SSBP3: variants seen among roughly 807,000 people sequenced by gnomAD.
SSBP3 encodes single-stranded DNA-binding protein 3.
SSBP3 carries 5 observed loss-of-function variants against 69.6 expected under a neutral mutation model. That is an observed-to-expected ratio of 0.07 (90% CI 0.04 to 0.15). The LOEUF (loss-of-function observed/expected upper bound fraction) is 0.15. Ranked by LOEUF, SSBP3 falls within the 10% of genes least tolerant of loss-of-function variation. The pLI, the probability that SSBP3 is intolerant of heterozygous loss-of-function variation, is 1.00. For missense variants in SSBP3, 312 were observed against 534.0 expected (o/e 0.58, Z 4.10); for synonymous variants, 196 against 193.4 (o/e 1.01, Z -0.11).
At chr1:54,311,129 G>C (rs923488055) in intron 4 of SSBP3, among the ~76,000 whole-genome samples, 4 of 152,186 alleles carry the variant, frequency 2.6e-5, no homozygotes, top group Non-Finnish European at 4.4e-5. Flanking sequence ...AAAACAAGGT[G>C]GGGGACACAT....
At chr1:54,227,069 A>G in exon 18 of SSBP3, 1 of 1,418,320 alleles carries the variant, frequency 7.1e-7, no homozygotes, top group Non-Finnish European at 9.9e-7. Flanking sequence ...CACTTCTTGC[A>G]TAATTTCTGG....
chr1:54,280,108 C>T (rs1288117739), intron 5 of SSBP3, among the ~76,000 whole-genome samples: 1 of 152,220 alleles, frequency 6.6e-6, no homozygotes, highest in African/African-American at 2.4e-5. Flanking sequence ...CTCCCACCAC[C>T]ATCATGTGAC....
intron 4 of SSBP3, among the ~76,000 whole-genome samples, chr1:54,366,975 C>G (rs987937144): frequency 6.6e-6 from 1 of 152,160 alleles, no homozygotes; most frequent in African/African-American, 2.4e-5. Context: ...CCTCTCAGAG[C>G]CTCCGAATCC....
chr1:54,261,573 G>C (rs1437605152), intron 5 of SSBP3, among the ~76,000 whole-genome samples: 4 of 152,172 alleles, frequency 2.6e-5, no homozygotes, highest in Non-Finnish European at 5.9e-5. Flanking sequence ...CAAAGCTGAT[G>C]ATACTGATGT....
At chr1:54,242,298 C>A in intron 10 of SSBP3, 86 bp from the exon 11 acceptor site, 1 of 1,510,514 alleles carries the variant, frequency 6.6e-7, no homozygotes, top group Non-Finnish European at 9.2e-7. Flanking sequence ...AAGGAAAGGG[C>A]TGAAATCACA....
At chr1:54,380,502 A>G (rs970546152) in intron 4 of SSBP3, among the ~76,000 whole-genome samples, 4 of 152,220 alleles carry the variant, frequency 2.6e-5, no homozygotes, top group African/African-American at 9.6e-5. Flanking sequence ...AAACATTTTC[A>G]AAAAGAAAAC....
chr1:54,275,293 A>G (rs943521300), intron 5 of SSBP3, among the ~76,000 whole-genome samples: 5 of 152,206 alleles, frequency 3.3e-5, no homozygotes, highest in African/African-American at 7.2e-5. Context: ...TGGGGACCCC[A>G]GCGCCCCGCC....
At position 54,324,935 on chromosome 1, in the gene SSBP3, G is replaced by T. The variant is rs555033768; in HGVS notation, c.277-43408C>A. Reference sequence around the variant, plus strand: ...TGAGCCCCAAATGTGAAGACAATGGGAGGGAGCCAGGCAGAAAGCCGCTCT... The same window carrying T: ...TGAGCCCCAAATGTGAAGACAATGGTAGGGAGCCAGGCAGAAAGCCGCTCT... On this transcript the variant is annotated intron_variant, in intron 4 of 17. Transcript: ENST00000610401. 2.0e-5 allele frequency among the ~76,000 whole-genome samples: 3 copies of T among 152,290 alleles called. No individual in the cohort carries two copies. The East Asian group carries it at 5.8e-4, about 29-fold the overall frequency.
chr1:54,307,733 G>A (rs1022438606), intron 4 of SSBP3, among the ~76,000 whole-genome samples: 1 of 152,172 alleles, frequency 6.6e-6, no homozygotes, highest in African/African-American at 2.4e-5. Context: ...CGACAAGAGT[G>A]ACCTCTGGTC....
chr1:54,376,645 C>T (rs1314852562), intron 4 of SSBP3, among the ~76,000 whole-genome samples: 2 of 152,222 alleles, frequency 1.3e-5, no homozygotes, highest in African/African-American at 2.4e-5. Context: ...CCCTCCTTTT[C>T]TTCTTCATGA....
chr1:54,316,873 C>A (rs1392160393), intron 4 of SSBP3, among the ~76,000 whole-genome samples: 2 of 152,130 alleles, frequency 1.3e-5, no homozygotes, highest in Non-Finnish European at 2.9e-5. Context: ...CTGGTGAGGG[C>A]TTGAGCTCTG....
chr1:54,409,261 C>T (rs1185472474), upstream of SSBP3, among the ~76,000 whole-genome samples: 1 of 152,100 alleles, frequency 6.6e-6, no homozygotes, highest in Non-Finnish European at 1.5e-5. Context: ...ATCTCCTCCA[C>T]AAAAACCTCC....
chr1:54,263,944 T>C (rs563330139), intron 5 of SSBP3, among the ~76,000 whole-genome samples: 24 of 152,358 alleles, frequency 1.6e-4, no homozygotes, highest in Admixed American at 7.8e-4. Context: ...TAAAGATTCT[T>C]GGAGCTGGAT....
At chr1:54,404,985 G>A in intron 1 of SSBP3, 55 bp from the exon 2 acceptor site, 1 of 1,501,916 alleles carries the variant, frequency 6.7e-7, no homozygotes, top group South Asian at 1.1e-5. Flanking sequence ...GATCCCACCG[G>A]CGCTCTCCAG....
chr1:54,357,572 A>G (rs910663012), intron 4 of SSBP3, among the ~76,000 whole-genome samples: 2 of 152,096 alleles, frequency 1.3e-5, no homozygotes, highest in Non-Finnish European at 2.9e-5. Flanking sequence ...TCCACAGGGG[A>G]CCCATGGGGT....
intron 4 of SSBP3, among the ~76,000 whole-genome samples, chr1:54,383,002 G>A (rs1472769100): frequency 2.3e-4 from 24 of 106,054 alleles, no homozygotes; most frequent in South Asian, 2.8e-4. Flanking sequence ...AAAAAAAAAA[G>A]AAGAGAGAGA....
At chr1:54,233,113 G>A (rs538387802) in intron 14 of SSBP3, among the ~76,000 whole-genome samples, 1,920 of 150,874 alleles carry the variant, frequency 0.013, 37 homozygotes, top group African/African-American at 0.045. Context: ...CCGCCCGGCC[G>A]CCATCCCATC....
At chr1:54,271,048 G>C (rs918655658) in intron 5 of SSBP3, among the ~76,000 whole-genome samples, 2 of 152,286 alleles carry the variant, frequency 1.3e-5, no homozygotes, top group Middle Eastern at 3.4e-3. Context: ...TGGTCAACAC[G>C]GATCCTGAAG....
chr1:54,239,504 G>A (rs1333111012), intron 13 of SSBP3, among the ~76,000 whole-genome samples: 1 of 152,122 alleles, frequency 6.6e-6, no homozygotes, highest in African/African-American at 2.4e-5. Flanking sequence ...CAACATGGGG[G>A]CAGCAGAACC....
Sources: gnomAD v4.1 joint callset for allele counts (sites outside exome capture counted in the v4.1 genomes callset) on GRCh38, gnomAD v4.1.1 for gene constraint, MANE v1.5 for transcripts, NCBI Gene and HGNC (gene_info 2026-07-23, HGNC 2026-07-21) for gene names.